The following HUNK variants were observed in gnomAD, a reference collection of about 807,000 sequenced individuals.
HUNK encodes the protein hormonally up-regulated neu tumor-associated kinase.
A neutral mutation model predicts 61.0 loss-of-function variants in HUNK; 21 were observed. That is an observed-to-expected ratio of 0.34 (90% CI 0.24 to 0.50). The LOEUF (loss-of-function observed/expected upper bound fraction) is 0.50. Ranked by LOEUF, HUNK falls within the 20% of genes least tolerant of loss-of-function variation. The pLI is 0.98. For missense variants in HUNK, 772 were observed against 945.7 expected, an observed-to-expected ratio of 0.82 and a Z score of 2.41; for synonymous variants, 371 against 386.1, an observed-to-expected ratio of 0.96 and a Z score of 0.46.
At chr21:31,962,087 A>G (rs552465221) in intron 5 of HUNK, among the ~76,000 whole-genome samples, 1 of 152,336 alleles carries the variant, frequency 6.6e-6, no homozygotes, top group South Asian at 2.1e-4. Flanking sequence ...AGAGGGAGAA[A>G]GGGAAAGAGA....
intron 1 of HUNK, among the ~76,000 whole-genome samples, chr21:31,878,011 C>A (rs1267620243): frequency 6.6e-6 from 1 of 152,164 alleles, no homozygotes; most frequent in Non-Finnish European, 1.5e-5. Context: ...GTAATCCCAG[C>A]ACTTTGGGAG....
At chr21:31,909,089 C>G (rs2052528325) in intron 1 of HUNK, among the ~76,000 whole-genome samples, 1 of 152,136 alleles carries the variant, frequency 6.6e-6, no homozygotes, top group Admixed American at 6.5e-5. Context: ...GGGCAGCACT[C>G]CGGAGGGACT....
chr21:31,942,859 C>T (rs758466971), intron 3 of HUNK, among the ~76,000 whole-genome samples: 1 of 140,418 alleles, frequency 7.1e-6, no homozygotes, highest in Non-Finnish European at 1.5e-5. Context: ...AACCCTACCT[C>T]ATACCTGCCC....
At chr21:31,943,343 G>A (rs1386187765) in intron 3 of HUNK, among the ~76,000 whole-genome samples, 1 of 152,096 alleles carries the variant, frequency 6.6e-6, no homozygotes, top group East Asian at 1.9e-4. Context: ...TCCAAAACAG[G>A]TTCACTTGGG....
chr21:31,990,646 C>T (rs768539865), intron 9 of HUNK, among the ~76,000 whole-genome samples: 101 of 151,856 alleles, frequency 6.7e-4, no homozygotes, highest in Non-Finnish European at 5.7e-4. Context: ...AGCAATTCTC[C>T]GGCCTCAGCC....
chr21:31,949,575 GCA>G lies in HUNK; in HGVS notation c.746+3422_746+3423del, dbSNP rs148673553. On this transcript the variant is annotated intron_variant, in intron 4 of 10. Transcript: ENST00000270112. ...GGAAGCTATGAGAGGAAGAATTTGTGCACACACACACACACACACGCACACAA... is the reference window on the plus strand; with the variant it reads ...GGAAGCTATGAGAGGAAGAATTTGTGCACACACACACACACACGCACACAA... Among the ~76,000 whole-genome samples, 110 of 150,406 alleles carry G rather than the reference GCA, an allele frequency of 7.3e-4. 1 individual carries two copies. In the East Asian group the frequency reaches 9.9e-3, roughly 14 times the overall value.
chr21:31,982,014 T>TA (rs2053100891), intron 7 of HUNK, among the ~76,000 whole-genome samples: 1 of 152,194 alleles, frequency 6.6e-6, no homozygotes. Flanking sequence ...ACCCATCACC[T>TA]AGGCATTAAT....
At chr21:31,892,162 A>ATATATATAT (rs1555875740) in intron 1 of HUNK, among the ~76,000 whole-genome samples, 4 of 114,052 alleles carry the variant, frequency 3.5e-5, no homozygotes, top group African/African-American at 1.4e-4. Context: ...AAAAAAAAAA[A>ATATATATAT]ATATATATAT....
At position 31,985,313 on chromosome 21, in the gene HUNK, G is replaced by A. The variant is rs542901193; in HGVS notation, c.1257+1704G>A. On this transcript the variant is annotated intron_variant, in intron 8 of 10. Transcript: ENST00000270112. ...AAGTTTTCATCCTGATCCCATGAGC[G>A]GTGCACATCGCTCTGGAAGATTCTT... Among the ~76,000 whole-genome samples the A allele has an allele frequency of 6.6e-5, 10 of 152,314 alleles. No individual in the cohort carries two copies. In the South Asian group the frequency reaches 1.2e-3, roughly 19 times the overall value.
At chr21:31,949,337 C>T (rs535795817) in intron 4 of HUNK, among the ~76,000 whole-genome samples, 2 of 152,208 alleles carry the variant, frequency 1.3e-5, no homozygotes, top group Non-Finnish European at 2.9e-5. Context: ...CCTCTGAATC[C>T]CCCTCAACAC....
chr21:31,913,232 G>A (rs2052558340), intron 1 of HUNK, among the ~76,000 whole-genome samples: 1 of 152,112 alleles, frequency 6.6e-6, no homozygotes, highest in African/African-American at 2.4e-5. Context: ...GTCTGGATGG[G>A]GAAGCAAACT....
intron 1 of HUNK, among the ~76,000 whole-genome samples, chr21:31,903,524 A>G (rs2052483585): frequency 6.6e-6 from 1 of 152,226 alleles, no homozygotes; most frequent in African/African-American, 2.4e-5. Context: ...TGCCAAAAAA[A>G]AAATTACCTT....
intron 4 of HUNK, among the ~76,000 whole-genome samples, chr21:31,948,574 A>G (rs2052826341): frequency 6.6e-6 from 1 of 152,034 alleles, no homozygotes; most frequent in Non-Finnish European, 1.5e-5. Context: ...TTTCCTCAGC[A>G]CCTGGTGGAA....
Position 32,000,366 on chromosome 21 carries a change from A to C in HUNK, c.*1182A>C. ...AAGCTCCTCAAACAGGGTTCAGTCCACGTTGTGTTTTCACACCTTTCTCCA... is the reference window on the plus strand; with the variant it reads ...AAGCTCCTCAAACAGGGTTCAGTCCCCGTTGTGTTTTCACACCTTTCTCCA... On this transcript the variant is annotated 3_prime_UTR_variant, in exon 11 of 11. Transcript: ENST00000270112. The C allele has an allele frequency of 2.5e-6, 1 of 399,092 alleles. No individual in the cohort carries two copies. 24.7% of individuals were successfully genotyped at this position (399,092 alleles called of 1,614,324 possible).
intron 1 of HUNK, among the ~76,000 whole-genome samples, chr21:31,897,927 G>C (rs1439866283): frequency 6.6e-6 from 1 of 152,130 alleles, no homozygotes; most frequent in Non-Finnish European, 1.5e-5. Flanking sequence ...CCCTGCCCTG[G>C]GATGCTCATC....
intron 8 of HUNK, among the ~76,000 whole-genome samples, chr21:31,986,616 C>T (rs550029782): frequency 5.3e-5 from 8 of 152,274 alleles, no homozygotes; most frequent in African/African-American, 1.7e-4. Flanking sequence ...CAGCTTGCTT[C>T]TCCTGCCTTG....
intron 1 of HUNK, among the ~76,000 whole-genome samples, chr21:31,923,833 A>G (rs2052641358): frequency 6.6e-6 from 1 of 152,154 alleles, no homozygotes; most frequent in Non-Finnish European, 1.5e-5. Context: ...GAGTAACAAC[A>G]AAGGTTGGGT....
At chr21:31,934,665 C>G (rs1024191743) in intron 2 of HUNK, among the ~76,000 whole-genome samples, 11 of 152,134 alleles carry the variant, frequency 7.2e-5, no homozygotes, top group Admixed American at 1.3e-4. Flanking sequence ...CTCTTTCCCA[C>G]CCTTCTCTGG....
At chr21:31,973,299 A>C (rs1032286779) in intron 6 of HUNK, among the ~76,000 whole-genome samples, 1 of 152,098 alleles carries the variant, frequency 6.6e-6, no homozygotes, top group Non-Finnish European at 1.5e-5. Context: ...ATCTCCTAAT[A>C]CTATCTCTCC....
Sources: allele counts gnomAD v4.1 joint callset (sites outside exome capture counted in the v4.1 genomes callset), GRCh38; gene constraint gnomAD v4.1.1; transcripts MANE v1.5; gene names NCBI Gene and HGNC (gene_info 2026-07-23, HGNC 2026-07-21).